TMEM232: variants seen among roughly 807,000 people sequenced by gnomAD.
The protein encoded by TMEM232 is transmembrane protein 232.
Under a neutral mutation model 78.8 loss-of-function variants are expected in TMEM232, and 80 were observed. The observed-to-expected ratio is 1.01, with a 90% CI of 0.85 to 1.22. The LOEUF is 1.22. TMEM232 is among the 50% of genes most tolerant of loss of function. The pLI is 0.00. For missense variants in TMEM232, 881 were observed against 742.2 expected (o/e 1.19, Z -2.17); for synonymous variants, 297 against 254.3 (o/e 1.17, Z -1.60).
rs747338304 is a variant in TMEM232 at position 110,638,217 on chromosome 5, A to G, written c.482T>C (p.Val161Ala). 6.5e-7 allele frequency: 1 copy of G among 1,542,356 alleles called. No homozygotes were observed. The highest frequency in any genetic ancestry group is 1.2e-5 in the South Asian group (1 of 81,208). ...ACATACCTTTGCTAGCTTTATTTCA[A>G]CTGAATATAAATATGTTTTGAGGGA... ...DASLKTYLYS[V>A]EIKLAKIGYL... The change falls in exon 5 of 14, where the codon GTT becomes GCT. Residue 161 changes from valine (V) to alanine (A), a missense_variant. Coordinates refer to ENST00000455884, the MANE Select transcript of TMEM232 (RefSeq NM_001039763.4).
chr5:110,533,890 C>T (rs1311935222), intron 11 of TMEM232, among the ~76,000 whole-genome samples: 2 of 152,216 alleles, frequency 1.3e-5, no homozygotes, highest in Non-Finnish European at 2.9e-5. Flanking sequence ...GCCACTAGCC[C>T]GCCTCTTAGA....
intron 2 of TMEM232, among the ~76,000 whole-genome samples, chr5:110,643,567 A>T (rs1212687533): frequency 3.3e-5 from 5 of 152,092 alleles, no homozygotes; most frequent in Non-Finnish European, 7.4e-5. Flanking sequence ...ATATCAAAGG[A>T]ATAGTGAACA....
intron 11 of TMEM232, among the ~76,000 whole-genome samples, chr5:110,537,277 T>A (rs1028502569): frequency 7.0e-6 from 1 of 142,486 alleles, no homozygotes; most frequent in East Asian, 2.0e-4. Context: ...AAGAGAAAAC[T>A]TATATATATA....
chr5:110,725,102 AGT>A (rs1456332458), intron 1 of TMEM232, among the ~76,000 whole-genome samples: 1 of 152,238 alleles, frequency 6.6e-6, no homozygotes, highest in African/African-American at 2.4e-5. Context: ...AAAAATAAAA[AGT>A]GTGATATATA....
At chr5:110,713,890 A>C (rs1796752273) in intron 1 of TMEM232, among the ~76,000 whole-genome samples, 1 of 152,194 alleles carries the variant, frequency 6.6e-6, no homozygotes, top group South Asian at 2.1e-4. Flanking sequence ...CTTGATGGGA[A>C]AACTTAAACC....
At chr5:110,453,993 CT>C (rs1248021519) in intron 12 of TMEM232, among the ~76,000 whole-genome samples, 1 of 152,104 alleles carries the variant, frequency 6.6e-6, no homozygotes, top group Non-Finnish European at 1.5e-5. Flanking sequence ...CCTAAAAACT[CT>C]TTTTGATAAT....
At chr5:110,658,137 C>T (rs890111705) in intron 2 of TMEM232, among the ~76,000 whole-genome samples, 5 of 152,030 alleles carry the variant, frequency 3.3e-5, no homozygotes, top group Admixed American at 1.3e-4. Flanking sequence ...ATGAATACCT[C>T]CCTTGAATTT....
intron 8 of TMEM232, among the ~76,000 whole-genome samples, chr5:110,613,566 G>T (rs369769821): frequency 6.6e-5 from 10 of 152,058 alleles, no homozygotes; most frequent in East Asian, 3.9e-4. Context: ...TAAACCAAAG[G>T]TGTCTTCCAC....
At chr5:110,547,716 A>C (rs1313747749) in intron 11 of TMEM232, among the ~76,000 whole-genome samples, 1 of 152,046 alleles carries the variant, frequency 6.6e-6, no homozygotes, top group Non-Finnish European at 1.5e-5. Context: ...AAAGCTTCTC[A>C]GCCAGGCACG....
chr5:110,602,324 C>T (rs904320354), intron 10 of TMEM232, among the ~76,000 whole-genome samples: 2 of 152,050 alleles, frequency 1.3e-5, no homozygotes, highest in African/African-American at 4.8e-5. Flanking sequence ...AGAGCTTCTG[C>T]ACGGCAAAAG....
chr5:110,445,530 G>C (rs982498045), intron 12 of TMEM232, among the ~76,000 whole-genome samples: 13 of 152,122 alleles, frequency 8.5e-5, no homozygotes, highest in Non-Finnish European at 1.3e-4. Flanking sequence ...GTCAGGAGTG[G>C]CTGGGTAGTG....
intron 2 of TMEM232, among the ~76,000 whole-genome samples, chr5:110,665,518 A>T (rs908644556): frequency 2.0e-5 from 3 of 152,120 alleles, no homozygotes; most frequent in East Asian, 1.9e-4. Context: ...ACCTCTTAAC[A>T]TGGTGGCAGG....
intron 7 of TMEM232, 97 bp from the exon 8 acceptor site, chr5:110,618,659 C>A: frequency 8.0e-7 from 1 of 1,242,566 alleles, no homozygotes; most frequent in South Asian, 1.6e-5. Flanking sequence ...TTTAAATATA[C>A]AAATGAAAAT....
intron 11 of TMEM232, among the ~76,000 whole-genome samples, chr5:110,540,069 C>A (rs952940739): frequency 6.6e-6 from 1 of 152,160 alleles, no homozygotes; most frequent in Non-Finnish European, 1.5e-5. Context: ...ATGAGAGAAA[C>A]CTTTGCCAAG....
At chr5:110,611,802 G>T (rs575170348) in intron 8 of TMEM232, among the ~76,000 whole-genome samples, 1 of 152,236 alleles carries the variant, frequency 6.6e-6, no homozygotes, top group Non-Finnish European at 1.5e-5. Context: ...AAGTTAAAAA[G>T]CTACAATCGT....
chr5:110,403,492 T>A (rs532182971), intron 2 of TMEM232, among the ~76,000 whole-genome samples: 1 of 152,142 alleles, frequency 6.6e-6, no homozygotes, highest in South Asian at 2.1e-4. Context: ...CTAAAATGAT[T>A]GTTTGTCAGA....
In TMEM232 at chr5:110,453,215, T is replaced by G. The variant is rs571759608; in HGVS notation, c.1704-28299A>C. ...CAATTACTCGTTCCCTGTAATCTGT[T>G]ACCAAAGAGAAGTGAATTCTCCATT... On this transcript the variant is annotated intron_variant, in intron 12 of 13. Transcript: ENST00000455884. 2.5e-4 allele frequency among the ~76,000 whole-genome samples: 38 copies of G among 152,302 alleles called. No individual in the cohort carries two copies. The South Asian group carries it at 7.9e-3, about 32-fold the overall frequency.
chr5:110,623,909 C>A (rs1051424868), intron 7 of TMEM232, among the ~76,000 whole-genome samples: 1 of 152,274 alleles, frequency 6.6e-6, no homozygotes, highest in East Asian at 1.9e-4. Flanking sequence ...GATTTAGTGA[C>A]TTGTCCCACT....
intron 1 of TMEM232, among the ~76,000 whole-genome samples, chr5:110,679,298 CAT>C (rs1434112352): frequency 2.6e-5 from 4 of 152,298 alleles, no homozygotes; most frequent in Admixed American, 2.6e-4. Context: ...TATCTTTTCA[CAT>C]GTTTATTTGC....
Sources: allele counts gnomAD v4.1 joint callset (sites outside exome capture counted in the v4.1 genomes callset), GRCh38; gene constraint gnomAD v4.1.1; transcripts MANE v1.5; gene names NCBI Gene and HGNC (gene_info 2026-07-23, HGNC 2026-07-21).